PCDHGA5: variants seen among roughly 807,000 people sequenced by gnomAD.
PCDHGA5 encodes the protein protocadherin gamma-A5.
Under a neutral mutation model 56.7 loss-of-function variants are expected in PCDHGA5, and 36 were observed. The observed-to-expected ratio is 0.64, with a 90% CI of 0.49 to 0.84. The LOEUF (loss-of-function observed/expected upper bound fraction) is 0.84. Among genes scored for constraint, PCDHGA5 ranks in the 40% least tolerant of loss-of-function variants. The probability of loss-of-function intolerance (pLI) is 0.00; values close to 1 mark genes in which losing one functional copy is unlikely to be tolerated. For missense variants in PCDHGA5, 1,305 were observed against 1,201.5 expected (o/e 1.09, Z -1.27); for synonymous variants, 563 against 520.2 (o/e 1.08, Z -1.12).
intron 1 of PCDHGA5, chr5:141,430,540 G>T: frequency 2.6e-6 from 1 of 386,954 alleles, no homozygotes; most frequent in Admixed American, 4.2e-5. Flanking sequence ...GACTCTGAGC[G>T]CCGCTGTTCA....
chr5:141,372,294 G>A (rs536487253), intron 1 of PCDHGA5: 2 of 1,613,280 alleles, frequency 1.2e-6, no homozygotes, highest in Non-Finnish European at 1.7e-6. Flanking sequence ...TACCTTGGGC[G>A]ACAGGGAGGC....
chr5:141,368,869 C>A (rs1351748629), intron 1 of PCDHGA5, among the ~76,000 whole-genome samples: 2 of 152,124 alleles, frequency 1.3e-5, no homozygotes, highest in Non-Finnish European at 2.9e-5. Context: ...TGTTTTGGAG[C>A]AAAGTCTTGA....
chr5:141,454,563 C>T (rs1056296059), intron 1 of PCDHGA5, among the ~76,000 whole-genome samples: 46 of 151,960 alleles, frequency 3.0e-4, no homozygotes, highest in Non-Finnish European at 4.9e-4. Context: ...TGTGCCACCA[C>T]GCCCGGCTAA....
chr5:141,419,746 G>A (rs1561783927), intron 1 of PCDHGA5: 2 of 1,613,896 alleles, frequency 1.2e-6, no homozygotes, highest in Admixed American at 1.7e-5. Context: ...TGCGCATGGT[G>A]CGTGCTTTGG....
intron 1 of PCDHGA5, among the ~76,000 whole-genome samples, chr5:141,474,703 C>G (rs2099353282): frequency 6.6e-6 from 1 of 152,188 alleles, no homozygotes; most frequent in Admixed American, 6.5e-5. Flanking sequence ...GTTCAAGGTT[C>G]TATTATACTT....
chr5:141,506,471 C>T (rs2099854191), intron 3 of PCDHGA5, among the ~76,000 whole-genome samples: 2 of 148,834 alleles, frequency 1.3e-5, no homozygotes, highest in African/African-American at 5.0e-5. Flanking sequence ...AAAAAGAGCA[C>T]AGGCTTTAGA....
chr5:141,366,278 G>A lies in PCDHGA5; in HGVS notation c.1948G>A (p.Gly650Ser). 1 of 1,613,712 alleles carries A rather than the reference G, an allele frequency of 6.2e-7. No homozygotes were observed. The change falls in exon 1 of 4, where the codon GGC becomes AGC. Residue 650 changes from glycine (G) to serine (S), a missense_variant. Physicochemically the swap from Gly to Ser is moderately conservative, Grantham distance 56. Transcript: ENST00000518069. ...QSLVVAVEDHGQPPLSATFTV... is the reference protein window; with the variant it reads ...QSLVVAVEDHSQPPLSATFTV... ...CCTCGTGGTGGCCGTCGAAGACCAT[G>A]GCCAGCCCCCTCTGTCAGCCACCTT...
intron 1 of PCDHGA5, chr5:141,374,879 G>C (rs767481676): frequency 6.2e-7 from 1 of 1,613,694 alleles, no homozygotes; most frequent in Admixed American, 1.7e-5. Flanking sequence ...GGCAGTGACT[G>C]CCACCGACCA....
In PCDHGA5 at chr5:141,490,413, G is replaced by C. The variant is rs2233606; in HGVS notation, c.2422-4394G>C. 6 of 1,614,128 alleles carry C rather than the reference G, an allele frequency of 3.7e-6. No individual in the cohort carries two copies. In the South Asian group the frequency reaches 4.4e-5, roughly 12 times the overall value. On this transcript the variant is annotated intron_variant, in intron 1 of 3. Transcript: ENST00000518069. The surrounding 1 kb of genome is among the most constrained non-coding windows in gnomAD (Gnocchi z 5.4). ...GTGAAGTGAGCCTTGATATCTCTCCGGACCTGCCATTTCAGATTAAGCCTT... is the reference window on the plus strand; with the variant it reads ...GTGAAGTGAGCCTTGATATCTCTCCCGACCTGCCATTTCAGATTAAGCCTT...
chr5:141,400,630 A>G, intron 1 of PCDHGA5: 8 of 1,394,666 alleles, frequency 5.7e-6, no homozygotes, highest in East Asian at 2.3e-5. Flanking sequence ...TAGGGAAGTC[A>G]GAGCTGCTCA....
At chr5:141,389,547 G>A in intron 1 of PCDHGA5, 1 of 1,613,252 alleles carries the variant, frequency 6.2e-7, no homozygotes, top group East Asian at 2.2e-5. Context: ...CGACCGCAAC[G>A]ACAATGCGCC....
intron 1 of PCDHGA5, chr5:141,430,634 C>G: frequency 1.1e-6 from 1 of 882,730 alleles, no homozygotes; most frequent in Non-Finnish European, 1.7e-6. Flanking sequence ...TGAACCATCC[C>G]TGGGAGTATG....
chr5:141,418,505 G>A, intron 1 of PCDHGA5: 1 of 1,614,006 alleles, frequency 6.2e-7, no homozygotes, highest in Non-Finnish European at 8.5e-7. Flanking sequence ...GACCGCCTTA[G>A]ATGGTGGGGA....
intron 1 of PCDHGA5, among the ~76,000 whole-genome samples, chr5:141,458,101 G>C (rs530847477): frequency 3.3e-5 from 5 of 152,200 alleles, no homozygotes; most frequent in Non-Finnish European, 7.4e-5. Flanking sequence ...AGTACTTACA[G>C]ATAGTCTCCA....
chr5:141,467,055 C>CTT (rs1193465269), intron 1 of PCDHGA5, among the ~76,000 whole-genome samples: 5 of 134,496 alleles, frequency 3.7e-5, no homozygotes, highest in African/African-American at 5.4e-5. Context: ...TCAATGTTTT[C>CTT]TTTTTTTTTT....
rs780436102 is a variant in PCDHGA5, at chr5:141,431,846, G to A, written c.2422-62961G>A. 1 of 1,614,274 alleles carries A rather than the reference G, an allele frequency of 6.2e-7. No individual in the cohort carries two copies. Among genetic ancestry groups the A allele is most frequent in the South Asian group, 1.1e-5 (1 of 91,088 alleles). On this transcript the variant is annotated intron_variant, in intron 1 of 3. Coordinates refer to ENST00000518069, the MANE Select transcript of PCDHGA5 (RefSeq NM_018918.3). The surrounding 1 kb of genome is among the most constrained non-coding windows in gnomAD (Gnocchi z 4.8). ...CTCGGTTCCCGAAAACTCTCCCAGA[G>A]GGACATTAATTGCCCTTTTAAATGT...
intron 1 of PCDHGA5, chr5:141,376,557 C>A: frequency 6.2e-7 from 1 of 1,609,994 alleles, no homozygotes; most frequent in Non-Finnish European, 8.5e-7. Flanking sequence ...CTTCCCGCAA[C>A]CCAACTAATC....
chr5:141,419,435 C>T, intron 1 of PCDHGA5: 1 of 1,613,226 alleles, frequency 6.2e-7, no homozygotes, highest in Non-Finnish European at 8.5e-7. Context: ...CGAGCAGCTG[C>T]GCACCTTCGA....
At chr5:141,380,092 G>A (rs1776209529) in intron 1 of PCDHGA5, among the ~76,000 whole-genome samples, 1 of 151,708 alleles carries the variant, frequency 6.6e-6, no homozygotes, top group African/African-American at 2.4e-5. Context: ...TAGAGATGGG[G>A]TTTTACCATG....
Sources: allele counts gnomAD v4.1 joint callset (sites outside exome capture counted in the v4.1 genomes callset), GRCh38; gene constraint gnomAD v4.1.1; non-coding constraint Gnocchi (gnomAD v3.1); transcripts MANE v1.5; gene names NCBI Gene and HGNC (gene_info 2026-07-23, HGNC 2026-07-21).